CUBN: variants seen among roughly 807,000 people sequenced by gnomAD.
CUBN encodes the protein cubilin.
In CUBN, 282 loss-of-function variants were observed where a neutral mutation model predicts 405.3. The ratio of observed to expected loss-of-function variants is 0.70; its 90% CI spans 0.63 to 0.77. CUBN has a LOEUF of 0.77. Ranked by LOEUF, CUBN falls within the 30% of genes least tolerant of loss-of-function variation. CUBN has a pLI of 0.00. For synonymous variants in CUBN, 1,684 were observed against 1,617.0 expected, an observed-to-expected ratio of 1.04 and a Z score of -0.99; for missense variants, 4,514 against 4,475.2, an observed-to-expected ratio of 1.01 and a Z score of -0.25.
rs1419536173 is a variant in CUBN, at chr10:16,933,150, T to C, written c.6061A>G (p.Ile2021Val). ...QAPDSTVELN[I>V]LSLDIESHRT... The stretch of plus-strand genomic sequence containing the variant: ...TGAGATTCAATGTCCAGGGAAAGAA[T>C]GTTGAGTTCCACGGTAGAGTCGGGA... The change falls in exon 40 of 67, where the codon ATT becomes GTT. Residue 2021 changes from isoleucine to valine, a missense_variant. Ile to Val is a conservative substitution (Grantham distance 29). Around this residue, in one of 5 missense-constraint regions of CUBN, gnomAD observed 1,613 missense variants for 1,542.8 expected, o/e 1.05. Coordinates refer to ENST00000377833, the MANE Select transcript of CUBN (RefSeq NM_001081.4). 2.5e-6 allele frequency: 4 copies of C among 1,614,066 alleles called. No homozygotes were observed. The highest frequency in any genetic ancestry group is 1.7e-5 in the Admixed American group (1 of 60,004).
At chr10:16,917,351 C>G (rs560119137) in intron 45 of CUBN, among the ~76,000 whole-genome samples, 5 of 152,212 alleles carry the variant, frequency 3.3e-5, no homozygotes, top group African/African-American at 9.6e-5. Flanking sequence ...AAACCCTATA[C>G]AGACATATAG....
chr10:17,021,526 T>TG (rs775530504), intron 27 of CUBN, among the ~76,000 whole-genome samples: 2 of 152,222 alleles, frequency 1.3e-5, no homozygotes, highest in Admixed American at 6.5e-5. Context: ...TCCTCGAGGA[T>TG]GCCCTTGGAG....
At chr10:17,034,020 G>A (rs981028754) in intron 27 of CUBN, among the ~76,000 whole-genome samples, 6 of 152,150 alleles carry the variant, frequency 3.9e-5, no homozygotes, top group African/African-American at 9.7e-5. Context: ...AGGAGGATAC[G>A]GGAGTGCAAC....
rs765489343 is a variant in CUBN at position 16,890,466 on chromosome 10, G to A, written c.8660C>T (p.Ala2887Val). 2 of 1,613,990 alleles carry A rather than the reference G, an allele frequency of 1.2e-6. No homozygotes were observed. Among genetic ancestry groups the A allele is most frequent in the African/African-American group, 1.3e-5 (1 of 74,892 alleles). Residue 2887 changes from alanine (A) to valine (V), a missense_variant, in exon 55 of 67, where the codon GCT (alanine) becomes GTT (valine). Ala to Val is a moderately conservative substitution (Grantham distance 64). Coordinates refer to ENST00000377833, the MANE Select transcript of CUBN (RefSeq NM_001081.4). The part of the protein sequence containing the change: ...ALLATGCGNV[A>V]PGPVITPSNT... ...ACTTGGTGTGATAACGGGACCCGGA[G>A]CCACGTTCCCACAGCCAGTGGCTAG... is the stretch of plus-strand genomic sequence containing the variant.
rs188922715 is a variant in CUBN at position 16,931,409 on chromosome 10, T to C, written c.6124+1678A>G. Among the ~76,000 whole-genome samples the C allele has an allele frequency of 9.0e-4, 137 of 152,326 alleles. 1 individual carries two copies. The highest frequency in any genetic ancestry group is 8.8e-3 in the Admixed American group (134 of 15,304). ...ACAAATGAGGAAGGAAGGAACCTTATTGAGCATCTACTCACATTGCCAGTG... is the reference window on the plus strand; with the variant it reads ...ACAAATGAGGAAGGAAGGAACCTTACTGAGCATCTACTCACATTGCCAGTG... On this transcript the variant is annotated intron_variant, in intron 40 of 66. Coordinates refer to ENST00000377833, the MANE Select transcript of CUBN (RefSeq NM_001081.4).
chr10:16,840,640 A>AT, intron 61 of CUBN, 105 bp from the exon 62 acceptor site: 1 of 995,694 alleles, frequency 1.0e-6, no homozygotes, highest in Non-Finnish European at 1.6e-6. Flanking sequence ...GAGGAGCTAT[A>AT]TTTTCATTAC....
At chr10:16,872,778 C>T (rs1371104727) in intron 58 of CUBN, among the ~76,000 whole-genome samples, 2 of 152,222 alleles carry the variant, frequency 1.3e-5, no homozygotes, top group Non-Finnish European at 2.9e-5. Flanking sequence ...TAGCAAATGG[C>T]TCCCCCTTAC....
intron 17 of CUBN, among the ~76,000 whole-genome samples, chr10:17,078,946 C>A (rs1835911773): frequency 6.6e-6 from 1 of 152,214 alleles, no homozygotes; most frequent in Non-Finnish European, 1.5e-5. Flanking sequence ...GCAGCTTCTA[C>A]ATGAGCATGC....
At chr10:16,847,305 A>T (rs1314711366) in intron 60 of CUBN, among the ~76,000 whole-genome samples, 1 of 151,992 alleles carries the variant, frequency 6.6e-6, no homozygotes, top group Non-Finnish European at 1.5e-5. Context: ...ACAAAAAATT[A>T]GCTGGGTGTG....
chr10:16,979,687 T>C (rs2131689569), intron 31 of CUBN, among the ~76,000 whole-genome samples: 1 of 152,068 alleles, frequency 6.6e-6, no homozygotes, highest in Non-Finnish European at 1.5e-5. Context: ...ATACAAAAAT[T>C]AACTCAAGAT....
At chr10:16,994,026 C>T (rs1833663933) in intron 28 of CUBN, among the ~76,000 whole-genome samples, 1 of 152,116 alleles carries the variant, frequency 6.6e-6, no homozygotes, top group African/African-American at 2.4e-5. Context: ...ACTTTCTGGT[C>T]AAAATTATAC....
intron 28 of CUBN, among the ~76,000 whole-genome samples, chr10:17,001,390 G>C (rs1833877480): frequency 6.6e-6 from 1 of 152,170 alleles, no homozygotes; most frequent in Non-Finnish European, 1.5e-5. Flanking sequence ...AGCGCTGGTT[G>C]GTCCACTTTA....
chr10:16,910,286 TTTC>T (rs1343016548), intron 48 of CUBN, among the ~76,000 whole-genome samples: 2 of 152,126 alleles, frequency 1.3e-5, no homozygotes, highest in African/African-American at 4.8e-5. Flanking sequence ...CTCTTTCATC[TTTC>T]TTCTTCCTCT....
chr10:16,957,832 T>C (rs1843110424), intron 31 of CUBN, among the ~76,000 whole-genome samples: 1 of 151,848 alleles, frequency 6.6e-6, no homozygotes, highest in Admixed American at 6.6e-5. Context: ...AACCTAAGTG[T>C]CTAGCATTTC....
chr10:17,073,760 T>TA (rs1230111765), intron 17 of CUBN, among the ~76,000 whole-genome samples: 2 of 152,150 alleles, frequency 1.3e-5, no homozygotes, highest in Non-Finnish European at 2.9e-5. Flanking sequence ...AGCCAGCTCT[T>TA]ATAGTATAGT....
At chr10:16,892,578 A>C (rs375096527) in intron 54 of CUBN, among the ~76,000 whole-genome samples, 4 of 152,162 alleles carry the variant, frequency 2.6e-5, no homozygotes, top group South Asian at 4.2e-4. Context: ...CGCAGCCTCG[A>C]CCTTCTGGAC....
intron 54 of CUBN, 26 bp downstream of exon 54, chr10:16,898,970 C>T (rs1344339410): frequency 1.9e-6 from 3 of 1,544,876 alleles, no homozygotes; most frequent in Non-Finnish European, 2.7e-6. Flanking sequence ...CAACTTGGCT[C>T]CAATTAAATG....
chr10:17,106,377 G>A (rs1377136267), intron 10 of CUBN, among the ~76,000 whole-genome samples: 3 of 147,952 alleles, frequency 2.0e-5, no homozygotes, highest in South Asian at 2.2e-4. Flanking sequence ...CGAGGCAGGC[G>A]GATCACCTGA....
intron 12 of CUBN, among the ~76,000 whole-genome samples, 195 bp downstream of exon 12, chr10:17,104,224 T>G (rs1836565235): frequency 6.6e-6 from 1 of 152,222 alleles, no homozygotes. Context: ...GGAAGAAAAG[T>G]TCTTGGCTTA....
Sources: allele counts gnomAD v4.1 joint callset (sites outside exome capture counted in the v4.1 genomes callset), GRCh38; gene constraint gnomAD v4.1.1; regional missense constraint gnomAD v4.1.1; transcripts MANE v1.5; gene names NCBI Gene and HGNC (gene_info 2026-07-23, HGNC 2026-07-21).